The following SIMC1 variants were observed in gnomAD, a reference collection of about 807,000 sequenced individuals.
SIMC1 encodes the protein SUMO interacting motifs containing 1, also known as SUMO-interacting motif-containing protein 1.
Under a neutral mutation model 82.3 loss-of-function variants are expected in SIMC1, and 55 were observed. The observed-to-expected ratio is 0.67, with a 90% confidence interval of 0.54 to 0.84. The LOEUF (loss-of-function observed/expected upper bound fraction) is 0.84, where lower values mean the gene tolerates loss of function less well. Among genes scored for constraint, SIMC1 ranks in the 40% least tolerant of loss-of-function variants. SIMC1 has a pLI of 0.00. For synonymous variants in SIMC1, 353 were observed against 426.3 expected (o/e 0.83, Z 2.12); for missense variants, 915 against 1,107.2 (o/e 0.83, Z 2.46).
At chr5:176,271,355 G>C (rs1762418063) in intron 1 of SIMC1, among the ~76,000 whole-genome samples, 1 of 151,484 alleles carries the variant, frequency 6.6e-6, no homozygotes, top group Admixed American at 6.6e-5. Context: ...GCAAGGCTCT[G>C]TCTCAAAAAA....
chr5:176,298,298 A>G (rs1342122981), intron 4 of SIMC1, among the ~76,000 whole-genome samples: 1 of 152,188 alleles, frequency 6.6e-6, no homozygotes, highest in Non-Finnish European at 1.5e-5. Context: ...CATGCATGCA[A>G]TGTACTGACT....
At chr5:176,271,922 TATATTATA>T (rs1163283713) in intron 1 of SIMC1, among the ~76,000 whole-genome samples, 252 of 25,226 alleles carry the variant, frequency 1.0e-2, no homozygotes, top group African/African-American at 0.029. Context: ...AATTGTATAT[TATATTATA>T]ATATATACTA....
At chr5:176,295,386 A>G in intron 3 of SIMC1, 124 bp downstream of exon 3, 1 of 1,446,546 alleles carries the variant, frequency 6.9e-7, no homozygotes, top group Non-Finnish European at 9.2e-7. Flanking sequence ...TATTAGTGTT[A>G]TTTGAATTGC....
chr5:176,270,107 T>C (rs1180324888), intron 1 of SIMC1: 1 of 151,288 alleles, frequency 6.6e-6, no homozygotes, highest in African/African-American at 2.4e-5. Flanking sequence ...AGCCCATCAA[T>C]ATAGGAAAAG....
chr5:176,315,004 G>A (rs776644393), intron 5 of SIMC1, among the ~76,000 whole-genome samples: 3 of 152,196 alleles, frequency 2.0e-5, no homozygotes, highest in African/African-American at 4.8e-5. Flanking sequence ...ACAATGTTCG[G>A]TAGATTGGGT....
chr5:176,339,218 G>T (rs1438579859), intron 9 of SIMC1, among the ~76,000 whole-genome samples: 2 of 152,290 alleles, frequency 1.3e-5, no homozygotes, highest in African/African-American at 2.4e-5. Flanking sequence ...AAAAAAATTA[G>T]CTGGGTATAG....
chr5:176,257,044 A>G (rs1429433338), intron 1 of SIMC1, among the ~76,000 whole-genome samples: 1 of 152,218 alleles, frequency 6.6e-6, no homozygotes, highest in Non-Finnish European at 1.5e-5. Context: ...TGTGTGAGCC[A>G]CCACACCTGG....
chr5:176,323,700 T>C (rs1283664771), intron 6 of SIMC1, among the ~76,000 whole-genome samples: 1 of 152,118 alleles, frequency 6.6e-6, no homozygotes, highest in Non-Finnish European at 1.5e-5. Context: ...ACAGATAACA[T>C]GTGTTGCCGG....
chr5:176,271,767 G>T (rs1452316939), intron 1 of SIMC1, among the ~76,000 whole-genome samples: 1 of 150,462 alleles, frequency 6.6e-6, no homozygotes, highest in African/African-American at 2.4e-5. Flanking sequence ...TTGAGGTGAC[G>T]GATACCCATT....
intron 1 of SIMC1, among the ~76,000 whole-genome samples, chr5:176,253,581 T>C (rs1761759966): frequency 6.6e-6 from 1 of 152,106 alleles, no homozygotes; most frequent in Admixed American, 6.5e-5. Context: ...TCATTCCATG[T>C]TGTAGGGAGT....
intron 1 of SIMC1, among the ~76,000 whole-genome samples, chr5:176,254,023 G>C (rs1373348813): frequency 1.3e-5 from 2 of 152,026 alleles, no homozygotes; most frequent in African/African-American, 2.4e-5. Flanking sequence ...CCATTATCTA[G>C]TTACAGCATA....
At chr5:176,294,051 A>G (rs1409133335) in intron 2 of SIMC1, among the ~76,000 whole-genome samples, 2 of 152,142 alleles carry the variant, frequency 1.3e-5, no homozygotes, top group East Asian at 3.9e-4. Flanking sequence ...TGAATTTAAA[A>G]CTTCTTTCTT....
intron 2 of SIMC1, among the ~76,000 whole-genome samples, chr5:176,294,737 C>G (rs1763729556): frequency 6.6e-6 from 1 of 151,774 alleles, no homozygotes; most frequent in African/African-American, 2.4e-5. Flanking sequence ...CTGAGACAGG[C>G]AAATCACGAG....
At chr5:176,279,416 A>T (rs71591825) in intron 1 of SIMC1, among the ~76,000 whole-genome samples, 1 of 152,118 alleles carries the variant, frequency 6.6e-6, no homozygotes, top group Non-Finnish European at 1.5e-5. Context: ...GATCGTTTCA[A>T]AAAACCAGCT....
rs571678400 is a variant in SIMC1, at chr5:176,305,136, A to AG, written c.1735-8544dup. On this transcript the variant is annotated intron_variant, in intron 4 of 9. Coordinates refer to ENST00000429602, the MANE Select transcript of SIMC1 (RefSeq NM_001308195.2). ...CGCCCGGCCAGCCGTGCCATCCAGG[A>AG]GGGGGGGGGGGTCAGCCCCCCGCCT... Among the ~76,000 whole-genome samples, 217 of 32,682 alleles carry AG rather than the reference A, an allele frequency of 6.6e-3. 2 individuals carry two copies. Among genetic ancestry groups the AG allele is most frequent in the African/African-American group, 0.018 (154 of 8,620 alleles). The allele number at this position is 32,682 out of a possible 152,430, so 21.4% of individuals were successfully genotyped here.
intron 1 of SIMC1, among the ~76,000 whole-genome samples, chr5:176,245,005 G>A (rs1169686534): frequency 1.3e-5 from 2 of 152,052 alleles, no homozygotes; most frequent in African/African-American, 4.8e-5. Context: ...ACAGGCATGA[G>A]CCACCGCACC....
At chr5:176,304,794 C>T (rs572806098) in intron 4 of SIMC1, among the ~76,000 whole-genome samples, 394 of 151,560 alleles carry the variant, frequency 2.6e-3, no homozygotes, top group Middle Eastern at 0.01. Flanking sequence ...CGTCTCTGCC[C>T]GGCTGCCCAT....
rs752568683 is a variant in SIMC1, at chr5:176,345,408, A to C, written c.2639A>C (p.Asp880Ala). 3 of 1,613,878 alleles carry C rather than the reference A, an allele frequency of 1.9e-6. No homozygotes were observed. Among genetic ancestry groups the C allele is most frequent in the South Asian group, 2.2e-5 (2 of 91,070 alleles). ...LLFYAADLNP[D>A]AEPFQKGWSG... Reference sequence around the variant, plus strand: ...TTCTATGCTGCGGACTTGAACCCTGATGCAGAGCCCTTTCAAAAGGGCTGG... The same window carrying C: ...TTCTATGCTGCGGACTTGAACCCTGCTGCAGAGCCCTTTCAAAAGGGCTGG... Residue 880 changes from aspartate to alanine, a missense_variant, in exon 10 of 10, where the codon GAT becomes GCT. Asp to Ala is a moderately radical substitution (Grantham distance 126). Transcript: ENST00000429602.
chr5:176,290,573 C>T lies in SIMC1; in HGVS notation c.1049C>T (p.Pro350Leu). 6.2e-7 allele frequency: 1 copy of T among 1,613,956 alleles called. No individual in the cohort carries two copies. The highest frequency in any genetic ancestry group is 8.5e-7 in the Non-Finnish European group (1 of 1,179,876). The change falls in exon 2 of 10, where the codon CCA (proline) becomes CTA (leucine). Residue 350 changes from proline (P) to leucine (L), a missense_variant. Transcript: ENST00000429602. ...GDVLHSPGDM[P>L]HSSGDVTHSP... ...GTGTTACATTCACCTGGAGACATGC[C>T]ACACTCATCAGGGGACGTGACACAC... is the stretch of plus-strand genomic sequence containing the variant.
Sources: gnomAD v4.1 joint callset for allele counts (sites outside exome capture counted in the v4.1 genomes callset) on GRCh38, gnomAD v4.1.1 for gene constraint, MANE v1.5 for transcripts, NCBI Gene and HGNC (gene_info 2026-07-23, HGNC 2026-07-21) for gene names.